Variants in PLA1A observed in about 807,000 individuals in gnomAD.
PLA1A encodes phospholipase A1 member A.
In PLA1A, 47 loss-of-function variants were observed where a neutral mutation model predicts 49.4. The observed-to-expected ratio is 0.95, with a 90% CI of 0.75 to 1.21. The LOEUF (loss-of-function observed/expected upper bound fraction) is 1.21, where lower values mean the gene tolerates loss of function less well. PLA1A is among the 50% of genes most tolerant of loss of function. PLA1A has a pLI of 0.00. For synonymous variants in PLA1A, 224 were observed against 207.9 expected (o/e 1.08, Z -0.67); for missense variants, 561 against 563.9 (o/e 0.99, Z 0.05).
At chr3:119,626,841 A>C (rs1232241847) in intron 9 of PLA1A, among the ~76,000 whole-genome samples, 2 of 152,260 alleles carry the variant, frequency 1.3e-5, no homozygotes, top group East Asian at 1.9e-4. Flanking sequence ...GTGCCCACAG[A>C]GCCTTGCAGA....
At position 119,613,066 on chromosome 3, in the gene PLA1A, C is replaced by G; in HGVS notation, c.612C>G (p.Arg204=). The G allele has an allele frequency of 6.2e-7, 1 of 1,609,226 alleles. No individual in the cohort carries two copies. Among genetic ancestry groups the G allele is most frequent in the South Asian group, 1.1e-5 (1 of 89,746 alleles). ...PEYTRASVEE[R]LDAGDALFVE... is the part of the protein sequence containing the mutation. ...ACACCAGGGCCAGTGTGGAAGAGCG[C>G]TTGGATGCTGGAGATGCCCTCTTCG... Residue 204 remains arginine (R), a synonymous_variant, in exon 5 of 11, where the codon CGC becomes CGG. Transcript: ENST00000273371.
chr3:119,613,675 G>T lies in PLA1A; in HGVS notation c.664+557G>T, dbSNP rs1051378521. Among the ~76,000 whole-genome samples the T allele has an allele frequency of 1.7e-4, 26 of 152,254 alleles. No individual in the cohort carries two copies. In the East Asian group the frequency reaches 4.6e-3, roughly 27 times the overall value. ...CTGGGAGGCCAAGGCAGGTGGATCA[G>T]GAGGTCAGGAGATCGAGACCATCCT... On this transcript the variant is annotated intron_variant, in intron 5 of 10. Coordinates refer to ENST00000273371, the MANE Select transcript of PLA1A (RefSeq NM_015900.4).
chr3:119,608,269 A>AAAG (rs1402006307), intron 2 of PLA1A, among the ~76,000 whole-genome samples: 1 of 151,580 alleles, frequency 6.6e-6, no homozygotes, highest in East Asian at 1.9e-4. Flanking sequence ...AGAAAGAAAG[A>AAAG]AAGAAAGAAA....
intron 6 of PLA1A, among the ~76,000 whole-genome samples, chr3:119,616,359 G>T (rs763985552): frequency 2.0e-5 from 3 of 152,176 alleles, no homozygotes; most frequent in Non-Finnish European, 2.9e-5. Context: ...AAGCCATTGT[G>T]CCCAAAGCTG....
At chr3:119,625,551 C>A (rs1373928093) in intron 9 of PLA1A, among the ~76,000 whole-genome samples, 1 of 152,124 alleles carries the variant, frequency 6.6e-6, no homozygotes, top group Non-Finnish European at 1.5e-5. Context: ...CCAGACAGTG[C>A]GGGTATCAGG....
intron 8 of PLA1A, among the ~76,000 whole-genome samples, chr3:119,622,399 A>C (rs59076488): frequency 0.13 from 20,423 of 152,144 alleles, 1,592 homozygotes; most frequent in East Asian, 0.35. Context: ...ATAACAATTG[A>C]TATCCCATAG....
rs766806936 is a variant in PLA1A at position 119,608,890 on chromosome 3, T to C, written c.396T>C (p.Ala132=). The C allele has an allele frequency of 3.3e-5, 54 of 1,613,916 alleles. No individual in the cohort carries two copies. The highest frequency in any genetic ancestry group is 4.4e-5 in the Non-Finnish European group (52 of 1,179,898). ...IYGSTGVYFS[A]VKNVIKLSLE... ...GGTCTACAGGAGTCTACTTCTCAGC[T>C]GTGAAAAATGTGATTAAGTTGAGCC... Residue 132 remains alanine, a synonymous_variant, in exon 3 of 11, where the codon GCT becomes GCC. Coordinates refer to ENST00000273371, the MANE Select transcript of PLA1A (RefSeq NM_015900.4).
intron 8 of PLA1A, 60 bp downstream of exon 8, chr3:119,619,712 C>T (rs2082902252): frequency 8.8e-7 from 1 of 1,134,214 alleles, no homozygotes; most frequent in Non-Finnish European, 1.3e-6. Context: ...GGAGTCCAGC[C>T]CAGTGTGGTA....
At chr3:119,601,983 T>C (rs1338196076) in intron 1 of PLA1A, among the ~76,000 whole-genome samples, 1 of 152,190 alleles carries the variant, frequency 6.6e-6, no homozygotes, top group African/African-American at 2.4e-5. Flanking sequence ...TAAAACAGCC[T>C]TTAATTCTTT....
At chr3:119,608,667 A>G (rs2107782776) in intron 2 of PLA1A, 103 bp from the exon 3 acceptor site, 1 of 879,764 alleles carries the variant, frequency 1.1e-6, no homozygotes, top group East Asian at 2.4e-5. Flanking sequence ...GCCCTTCTCT[A>G]GTTTTGATTT....
Position 119,629,499 on chromosome 3 carries a change from T to A in PLA1A, c.*31T>A. ...CCTGGGCAGGACACATCTCCCTGCA[T>A]TTTTTTTTTTTTTTTGAGAGAGAGG... On this transcript the variant is annotated 3_prime_UTR_variant, in exon 11 of 11. Transcript: ENST00000273371. 2.2e-6 allele frequency: 1 copy of A among 448,578 alleles called. No individual in the cohort carries two copies. The highest frequency in any genetic ancestry group is 3.4e-6 in the Non-Finnish European group (1 of 295,390). The allele number at this position is 448,578 out of a possible 1,614,324, so 27.8% of individuals were successfully genotyped here.
intron 1 of PLA1A, among the ~76,000 whole-genome samples, chr3:119,599,876 A>G (rs1447626418): frequency 1.3e-5 from 2 of 152,156 alleles, no homozygotes; most frequent in Non-Finnish European, 2.9e-5. Flanking sequence ...CAACAGCAAC[A>G]ATATTTATTA....
At chr3:119,603,893 TTCCTAGGACACAGCTC>T (rs1373951726) in intron 1 of PLA1A, among the ~76,000 whole-genome samples, 1 of 152,190 alleles carries the variant, frequency 6.6e-6, no homozygotes, top group African/African-American at 2.4e-5. Context: ...AAGCCTCAGT[TTCCTAGGACACAGCTC>T]TTCACTATGA....
At chr3:119,618,616 G>C (rs1274168135) in intron 7 of PLA1A, among the ~76,000 whole-genome samples, 1 of 152,216 alleles carries the variant, frequency 6.6e-6, no homozygotes, top group Non-Finnish European at 1.5e-5. Context: ...CCTCGTGAGA[G>C]CTGGGGGGAT....
intron 2 of PLA1A, among the ~76,000 whole-genome samples, chr3:119,608,250 AAGAAAG>A (rs1560078860): frequency 2.4e-5 from 2 of 82,562 alleles, no homozygotes; most frequent in African/African-American, 7.7e-5. Context: ...GAGAGAAAGA[AAGAAAG>A]AAAGAAAGAA....
chr3:119,613,902 G>A (rs6783839), intron 5 of PLA1A, among the ~76,000 whole-genome samples: 37,450 of 148,434 alleles, frequency 0.25, 6,219 homozygotes, highest in African/African-American at 0.46. Flanking sequence ...CCAAAAAAAA[G>A]AAAAAAAGAA....
intron 8 of PLA1A, among the ~76,000 whole-genome samples, chr3:119,620,767 A>C (rs1243095213): frequency 2.6e-5 from 4 of 152,196 alleles, no homozygotes; most frequent in Non-Finnish European, 5.9e-5. Flanking sequence ...GCTACCTCTT[A>C]GGAGCAAAGT....
intron 8 of PLA1A, chr3:119,620,199 A>T (rs1373148444): frequency 2.2e-6 from 1 of 455,864 alleles, no homozygotes; most frequent in African/African-American, 2.0e-5. Flanking sequence ...ATACATTACA[A>T]GCTAAACCGT....
intron 3 of PLA1A, 96 bp downstream of exon 3, chr3:119,609,043 C>T: frequency 1.0e-6 from 1 of 972,706 alleles, no homozygotes; most frequent in Non-Finnish European, 1.6e-6. Context: ...AGGGTGGAAG[C>T]AGAGTCACCA....
Sources: allele counts gnomAD v4.1 joint callset (sites outside exome capture counted in the v4.1 genomes callset), GRCh38; gene constraint gnomAD v4.1.1; transcripts MANE v1.5; gene names NCBI Gene and HGNC (gene_info 2026-07-23, HGNC 2026-07-21).